Variants in DCHS1 observed in about 807,000 individuals in gnomAD.
The protein encoded by DCHS1 is dachsous cadherin-related 1.
DCHS1 carries 78 observed loss-of-function variants against 213.9 expected under a neutral mutation model. The ratio of observed to expected loss-of-function variants is 0.36; its 90% CI spans 0.30 to 0.44. The LOEUF is 0.44. Among genes scored for constraint, DCHS1 ranks in the 20% least tolerant of loss-of-function variants. DCHS1 has a pLI of 1.00. For synonymous variants in DCHS1, 1,828 were observed against 1,873.7 expected, an observed-to-expected ratio of 0.98 and a Z score of 0.63; for missense variants, 3,946 against 4,395.9, an observed-to-expected ratio of 0.90 and a Z score of 2.89.
At position 6,628,629 on chromosome 11, in the gene DCHS1, C is replaced by T. The variant is rs753184200; in HGVS notation, c.5363G>A (p.Arg1788His). The change falls in exon 13 of 21, where the codon CGC becomes CAC. Residue 1788 changes from arginine (R) to histidine (H), a missense_variant. Coordinates refer to ENST00000299441, the MANE Select transcript of DCHS1 (RefSeq NM_003737.4). This position sits in a 1 kb window ranked among gnomAD's most constrained non-coding sequence, Gnocchi z 4.3. Reference sequence around the variant, plus strand: ...AGTGGGAAGGTTCTCACCTAGGATGCGGTACTGCAACTGCCCATTGGCTCC... The same window carrying T: ...AGTGGGAAGGTTCTCACCTAGGATGTGGTACTGCAACTGCCCATTGGCTCC... ...DVGANGQLQY[R>H]ILDGDPSGAF... The T allele has an allele frequency of 2.4e-5, 39 of 1,613,806 alleles. No homozygotes were observed. The East Asian group carries it at 6.0e-4, about 25-fold the overall frequency.
At chr11:6,647,988 G>C (rs1322042942) in intron 1 of DCHS1, among the ~76,000 whole-genome samples, 1 of 152,208 alleles carries the variant, frequency 6.6e-6, no homozygotes. Flanking sequence ...GAAGATGAGG[G>C]AGTGGAAGGA....
rs1855803848 is a variant in DCHS1 at position 6,626,348 on chromosome 11, C to T, written c.6397G>A (p.Asp2133Asn). The part of the protein sequence containing the change: ...AITVRSAEGL[D>N]FEVSPRLRLV... The stretch of plus-strand genomic sequence containing the variant: ...CGCAGCCGTGGACTCACCTCGAAGT[C>T]TAGCCCCTCTGCTGAGCGAACTGTG... Residue 2133 changes from aspartate to asparagine, a missense_variant, in exon 16 of 21, where the codon GAC (aspartate) becomes AAC (asparagine). Physicochemically the swap from Asp to Asn is conservative, Grantham distance 23. Transcript: ENST00000299441. This position sits in a 1 kb window ranked among gnomAD's most constrained non-coding sequence, Gnocchi z 5.2. 2 of 1,613,670 alleles carry T rather than the reference C, an allele frequency of 1.2e-6. No homozygotes were observed. The highest frequency in any genetic ancestry group is 1.7e-6 in the Non-Finnish European group (2 of 1,179,748).
In DCHS1 at chr11:6,632,829, G is replaced by T. The variant is rs1433358202; in HGVS notation, c.2683C>A (p.Pro895Thr). 6.2e-7 allele frequency: 1 copy of T among 1,614,020 alleles called. No homozygotes were observed. Among genetic ancestry groups the T allele is most frequent in the Non-Finnish European group, 8.5e-7 (1 of 1,179,880 alleles). The change falls in exon 6 of 21, where the codon CCT (proline) becomes ACT (threonine). Residue 895 changes from proline to threonine, a missense_variant. Coordinates refer to ENST00000299441, the MANE Select transcript of DCHS1 (RefSeq NM_003737.4). The surrounding 1 kb of genome is among the most constrained non-coding windows in gnomAD (Gnocchi z 5.9). Reference protein sequence around the residue: ...DDVNDNSPAFPAPEDTVLLPP... With the variant: ...DDVNDNSPAFTAPEDTVLLPP... ...AGCAATACCGTGTCTTCAGGTGCAG[G>T]AAAGGCAGGGGAGTTGTCATTCACA... is the stretch of plus-strand genomic sequence containing the variant.
At chr11:6,639,794 T>G in intron 2 of DCHS1, 23 bp downstream of exon 2, 1 of 1,556,042 alleles carries the variant, frequency 6.4e-7, no homozygotes, top group Non-Finnish European at 8.7e-7. Context: ...AACACTATCT[T>G]GCTATGTGCC....
In DCHS1 at chr11:6,622,020, T is replaced by C; in HGVS notation, c.9656A>G (p.Lys3219Arg). ...CCGGGCTGCAGCTGTGTTTGCTGGC[T>C]TGGGGGGCACAGACTTGGCTCCTGG... is the stretch of plus-strand genomic sequence containing the variant. ...AHPGAKSVPP[K>R]PANTAAARAI... Residue 3219 changes from lysine to arginine, a missense_variant, in exon 21 of 21, where the codon AAG (lysine) becomes AGG (arginine). This residue lies in a region of DCHS1 where 554 missense variants were observed against 590.2 expected (regional missense o/e 0.94). Transcript: ENST00000299441. The surrounding 1 kb of genome is among the most constrained non-coding windows in gnomAD (Gnocchi z 5.4). 1 of 1,613,120 alleles carries C rather than the reference T, an allele frequency of 6.2e-7. No individual in the cohort carries two copies. The highest frequency in any genetic ancestry group is 8.5e-7 in the Non-Finnish European group (1 of 1,179,730).
rs572331982 is a variant in DCHS1 at position 6,632,915 on chromosome 11, C to T, written c.2597G>A (p.Arg866Gln). Reference sequence around the variant, plus strand: ...AGCTGGGGGCACTCCACTGCCTGCTCGCACCTCCAGCTCCAACACTGGTCC... The same window carrying T: ...AGCTGGGGGCACTCCACTGCCTGCTTGCACCTCCAGCTCCAACACTGGTCC... Reference protein sequence around the residue: ...LLGPVLELEVRAGSGVPPAFA... With the variant: ...LLGPVLELEVQAGSGVPPAFA... Residue 866 changes from arginine to glutamine, a missense_variant, in exon 6 of 21, where the codon CGA becomes CAA. Physicochemically the swap from Arg to Gln is conservative, Grantham distance 43. Around this residue, in one of 3 missense-constraint regions of DCHS1, gnomAD observed 3,384 missense variants for 3,780.1 expected, o/e 0.90. Coordinates refer to ENST00000299441, the MANE Select transcript of DCHS1 (RefSeq NM_003737.4). This position sits in a 1 kb window ranked among gnomAD's most constrained non-coding sequence, Gnocchi z 5.9. 3.3e-5 allele frequency: 54 copies of T among 1,614,036 alleles called. No homozygotes were observed. In the South Asian group the frequency reaches 4.4e-4, roughly 13 times the overall value.
In DCHS1 at chr11:6,627,607, C is replaced by T. The variant is rs753758536; in HGVS notation, c.5432G>A (p.Arg1811Gln). 9.9e-6 allele frequency: 16 copies of T among 1,613,176 alleles called. No homozygotes were observed. The highest frequency in any genetic ancestry group is 3.3e-5 in the Admixed American group (2 of 59,984). The change falls in exon 14 of 21, where the codon CGG becomes CAG. Residue 1811 changes from arginine to glutamine, a missense_variant. Physicochemically the swap from Arg to Gln is conservative, Grantham distance 43. This residue lies in a region of DCHS1 where 3,384 missense variants were observed against 3,780.1 expected (regional missense o/e 0.90). Transcript: ENST00000299441. This position sits in a 1 kb window ranked among gnomAD's most constrained non-coding sequence, Gnocchi z 5.4. The stretch of plus-strand genomic sequence containing the variant: ...TGGCTCCACTTCTCTGTCTAGTGGC[C>T]GCATGGTGCCAAACTCTCCAGAAGC... The part of the protein sequence containing the change: ...DLASGEFGTM[R>Q]PLDREVEPAF...
At position 6,626,640 on chromosome 11, in the gene DCHS1, G is replaced by A. The variant is rs202169002; in HGVS notation, c.6276C>T (p.Ala2092=). Residue 2092 remains alanine (A), a synonymous_variant, in exon 15 of 21, where the codon GCC becomes GCT. Coordinates refer to ENST00000299441, the MANE Select transcript of DCHS1 (RefSeq NM_003737.4). The surrounding 1 kb of genome is among the most constrained non-coding windows in gnomAD (Gnocchi z 5.2). ...GTCCATTTGTGCCTCCTGCATGGAC[G>A]GCCCTGGGGGAGACAATAGGAGTCC... ...PPGTPIVSPR[A]VHAGGTNGPI... The A allele has an allele frequency of 3.7e-5, 59 of 1,613,980 alleles. No homozygotes were observed. Among genetic ancestry groups the A allele is most frequent in the Non-Finnish European group, 4.4e-5 (52 of 1,179,878 alleles).
chr11:6,636,051 T>A (rs960088824), intron 2 of DCHS1, among the ~76,000 whole-genome samples: 2 of 152,056 alleles, frequency 1.3e-5, no homozygotes, highest in Non-Finnish European at 1.5e-5. Flanking sequence ...CCCCATCCCA[T>A]CCCTTGCTCT....
At chr11:6,624,702 C>T in intron 20 of DCHS1, 28 bp downstream of exon 20, 1 of 1,613,576 alleles carries the variant, frequency 6.2e-7, no homozygotes, top group South Asian at 1.1e-5. Flanking sequence ...CAGTCAAAGG[C>T]AAGGGGCAGA....
At position 6,632,004 on chromosome 11, in the gene DCHS1, T is replaced by C; in HGVS notation, c.3481+27A>G. On this transcript the variant is annotated intron_variant, in intron 6 of 20. Transcript: ENST00000299441. This position sits in a 1 kb window ranked among gnomAD's most constrained non-coding sequence, Gnocchi z 5.9. ...CCAGGCTGGGGATAAGGCTATGCGG[T>C]CTCAGGATTTGGGTCTCTGTGCTCA... The C allele has an allele frequency of 6.7e-7, 1 of 1,493,888 alleles. No homozygotes were observed. 92.5% of individuals were successfully genotyped at this position (1,493,888 alleles called of 1,614,324 possible). A position where few individuals can be genotyped will look rare whatever the true frequency, so the allele number is the denominator to read the frequency against.
chr11:6,635,897 G>A (rs1855979677), intron 2 of DCHS1, among the ~76,000 whole-genome samples: 2 of 152,330 alleles, frequency 1.3e-5, no homozygotes, highest in African/African-American at 2.4e-5. Context: ...TTCCTGGCCT[G>A]TACAACCCCT....
chr11:6,625,513 T>A lies in DCHS1; in HGVS notation c.6863-32A>T, dbSNP rs1422967441. The stretch of plus-strand genomic sequence containing the variant: ...TACATGAGACTAGTGTGTTTGGCAA[T>A]GGACACAGCCCCACCTTGAGCTGCA... On this transcript the variant is annotated intron_variant, in intron 18 of 20. Transcript: ENST00000299441. The surrounding 1 kb of genome is among the most constrained non-coding windows in gnomAD (Gnocchi z 5.3). The A allele has an allele frequency of 6.2e-7, 1 of 1,607,242 alleles. No homozygotes were observed. Among genetic ancestry groups the A allele is most frequent in the South Asian group, 1.1e-5 (1 of 90,296 alleles).
rs770948061 is a variant in DCHS1 at position 6,630,419 on chromosome 11, G to C, written c.4375C>G (p.Arg1459Gly). ...PEPGAALYTF[R>G]ASDADGPGPN... ...CCGGGGCCGTCGGCGTCCGACGCGC[G>C]GAAAGTGTACAGCGCTGCGCCGGGC... Residue 1459 changes from arginine (R) to glycine (G), a missense_variant, in exon 10 of 21, where the codon CGC becomes GGC. Physicochemically the swap from Arg to Gly is moderately radical, Grantham distance 125. Transcript: ENST00000299441. 1.7e-5 allele frequency: 25 copies of C among 1,451,474 alleles called. 1 individual carries two copies. The highest frequency in any genetic ancestry group is 5.2e-5 in the South Asian group (4 of 77,012). The allele number at this position is 1,451,474 out of a possible 1,614,324, so 89.9% of individuals were successfully genotyped here.
In DCHS1 at chr11:6,627,715, G is replaced by A; in HGVS notation, c.5372-48C>T. 1.3e-6 allele frequency: 2 copies of A among 1,569,216 alleles called. No individual in the cohort carries two copies. Among genetic ancestry groups the A allele is most frequent in the East Asian group, 2.3e-5 (1 of 44,208 alleles). On this transcript the variant is annotated intron_variant, in intron 13 of 20. Coordinates refer to ENST00000299441, the MANE Select transcript of DCHS1 (RefSeq NM_003737.4). This position sits in a 1 kb window ranked among gnomAD's most constrained non-coding sequence, Gnocchi z 5.4. ...ATAAATATACATGTGTCGTGGGGAT[G>A]GGGGTGATTTACAGACAACAGGAGA...
At position 6,632,838 on chromosome 11, in the gene DCHS1, G is replaced by T. The variant is rs1055990494; in HGVS notation, c.2674C>A (p.Pro892Thr). 1 of 1,613,884 alleles carries T rather than the reference G, an allele frequency of 6.2e-7. No individual in the cohort carries two copies. Among genetic ancestry groups the T allele is most frequent in the Non-Finnish European group, 8.5e-7 (1 of 1,179,876 alleles). The change falls in exon 6 of 21, where the codon CCT becomes ACT. Residue 892 changes from proline to threonine, a missense_variant. Around this residue, in one of 3 missense-constraint regions of DCHS1, gnomAD observed 3,384 missense variants for 3,780.1 expected, o/e 0.90. Transcript: ENST00000299441. The surrounding 1 kb of genome is among the most constrained non-coding windows in gnomAD (Gnocchi z 5.9). Reference sequence around the variant, plus strand: ...GTGTCTTCAGGTGCAGGAAAGGCAGGGGAGTTGTCATTCACATCATCCAGC... The same window carrying T: ...GTGTCTTCAGGTGCAGGAAAGGCAGTGGAGTTGTCATTCACATCATCCAGC... ...VLLDDVNDNS[P>T]AFPAPEDTVL...
chr11:6,625,701 CCTCT>C lies in DCHS1; in HGVS notation c.6754_6757del (p.Arg2252GlyfsTer11). 6.2e-7 allele frequency: 1 copy of C among 1,608,796 alleles called. No individual in the cohort carries two copies. Among genetic ancestry groups the C allele is most frequent in the Non-Finnish European group, 8.5e-7 (1 of 1,177,884 alleles). ...AGCTGAGCCCACCAGGGCTGGGCTCCCTCTGTCTGTGGCCATCAGCACCAACCTG... is the reference window on the plus strand; with the variant it reads ...AGCTGAGCCCACCAGGGCTGGGCTCCGTCTGTGGCCATCAGCACCAACCTG... On this transcript the variant is annotated frameshift_variant, in exon 18 of 21. Coordinates refer to ENST00000299441, the MANE Select transcript of DCHS1 (RefSeq NM_003737.4). LOFTEE classifies it high-confidence loss of function. The surrounding 1 kb of genome is among the most constrained non-coding windows in gnomAD (Gnocchi z 5.3).
chr11:6,632,142 C>A lies in DCHS1; in HGVS notation c.3370G>T (p.Val1124Leu). 1 of 1,586,852 alleles carries A rather than the reference C, an allele frequency of 6.3e-7. No individual in the cohort carries two copies. The highest frequency in any genetic ancestry group is 8.6e-7 in the Non-Finnish European group (1 of 1,163,164). Residue 1124 changes from valine to leucine, a missense_variant, in exon 6 of 21, where the codon GTG becomes TTG. By Grantham distance (32) the Val-to-Leu change is conservative (BLOSUM62 1). Around this residue, in one of 3 missense-constraint regions of DCHS1, gnomAD observed 3,384 missense variants for 3,780.1 expected, o/e 0.90. Transcript: ENST00000299441. The surrounding 1 kb of genome is among the most constrained non-coding windows in gnomAD (Gnocchi z 5.9). Reference protein sequence around the residue: ...VAENQPPGTSVGRVFATDRDS... With the variant: ...VAENQPPGTSLGRVFATDRDS... ...CGGTCAGTGGCAAAGACTCGGCCCA[C>A]GCTGGTCCCTGGGGGCTGGTTCTCA...
Position 6,640,540 on chromosome 11 carries a change from A to T in DCHS1, c.1074T>A (p.Asn358Lys), listed in dbSNP as rs1376674331. ...GAAAGATGACAGTCATGGAGGGCTG[A>T]TTGTCATTGGCATCTCGCACATGCA... Reference protein sequence around the residue: ...VTVHVRDANDNQPSMTVIFLS... With the variant: ...VTVHVRDANDKQPSMTVIFLS... Residue 358 changes from asparagine (N) to lysine (K), a missense_variant, in exon 2 of 21, where the codon AAT (asparagine) becomes AAA (lysine). Around this residue, in one of 3 missense-constraint regions of DCHS1, gnomAD observed 3,384 missense variants for 3,780.1 expected, o/e 0.90. Transcript: ENST00000299441. This position sits in a 1 kb window ranked among gnomAD's most constrained non-coding sequence, Gnocchi z 6.5. 1 of 1,610,758 alleles carries T rather than the reference A, an allele frequency of 6.2e-7. No homozygotes were observed. Among genetic ancestry groups the T allele is most frequent in the South Asian group, 1.1e-5 (1 of 91,082 alleles).
Sources: gnomAD v4.1 joint callset for allele counts (sites outside exome capture counted in the v4.1 genomes callset) on GRCh38, gnomAD v4.1.1 for gene constraint, gnomAD v4.1.1 regional missense constraint, Gnocchi (gnomAD v3.1) non-coding constraint, MANE v1.5 for transcripts, NCBI Gene and HGNC (gene_info 2026-07-23, HGNC 2026-07-21) for gene names.